The following TDRD6 variants were observed in gnomAD, a reference collection of about 807,000 sequenced individuals.
TDRD6 encodes the protein tudor domain-containing protein 6.
A neutral mutation model predicts 157.5 loss-of-function variants in TDRD6; 186 were observed. The ratio of observed to expected loss-of-function variants is 1.18; its 90% confidence interval spans 1.05 to 1.33. The LOEUF is 1.33. TDRD6 is among the 40% of genes most tolerant of loss of function. TDRD6 has a pLI of 0.00. For missense variants in TDRD6, 3,066 were observed against 2,508.0 expected (o/e 1.22, Z -4.75); for synonymous variants, 1,075 against 945.2 (o/e 1.14, Z -2.52).
intron 3 of TDRD6, among the ~76,000 whole-genome samples, chr6:46,699,439 G>A (rs1764572182): frequency 6.6e-6 from 1 of 152,084 alleles, no homozygotes; most frequent in African/African-American, 2.4e-5. Context: ...AGTAACTGGG[G>A]TTAGCCACCC....
chr6:46,683,544 C>G (rs1764012759), upstream of TDRD6, among the ~76,000 whole-genome samples: 1 of 151,978 alleles, frequency 6.6e-6, no homozygotes. Context: ...GGGAATAAAA[C>G]TGTAAACATT....
rs1562055718 is a variant in TDRD6, at chr6:46,691,462, G to A, written c.3334G>A (p.Val1112Met). The change falls in exon 1 of 4, where the codon GTG becomes ATG. Residue 1112 changes from valine (V) to methionine (M), a missense_variant. Val to Met is a conservative substitution (Grantham distance 21). Coordinates refer to ENST00000316081, the MANE Select transcript of TDRD6 (RefSeq NM_001010870.3). ...DIPDHIPEEV[V>M]VWFQETILDK... ...TCCTGATCATATACCAGAAGAAGTG[G>A]TGGTGTGGTTTCAGGAGACTATTTT... is the stretch of plus-strand genomic sequence containing the variant. The A allele has an allele frequency of 6.2e-7, 1 of 1,614,086 alleles. No homozygotes were observed. The highest frequency in any genetic ancestry group is 8.5e-7 in the Non-Finnish European group (1 of 1,179,964).
upstream of TDRD6, among the ~76,000 whole-genome samples, chr6:46,683,113 C>A (rs950518770): frequency 6.6e-6 from 1 of 151,870 alleles, no homozygotes; most frequent in Admixed American, 6.6e-5. Context: ...GGCACAAAGA[C>A]AGATATATAG....
At chr6:46,697,229 C>T (rs1764523896) in intron 2 of TDRD6, among the ~76,000 whole-genome samples, 1 of 151,986 alleles carries the variant, frequency 6.6e-6, no homozygotes, top group South Asian at 2.1e-4. Context: ...ACCTATATTC[C>T]ATCCTGTTAC....
At chr6:46,682,436 T>C in the TDRD6 span, among the ~76,000 whole-genome samples, 1 of 152,000 alleles carries the variant, frequency 6.6e-6, no homozygotes, top group Non-Finnish European at 1.5e-5. Flanking sequence ...AACAAGGCAA[T>C]ATCAATTCTT....
upstream of TDRD6, among the ~76,000 whole-genome samples, chr6:46,687,422 A>G (rs988849528): frequency 6.6e-6 from 1 of 152,210 alleles, no homozygotes; most frequent in Non-Finnish European, 1.5e-5. Context: ...AGATGATGGA[A>G]CAGGGTTAAA....
Position 46,688,088 on chromosome 6 carries a change from C to A in TDRD6, c.-41C>A. The A allele has an allele frequency of 1.4e-6, 2 of 1,441,438 alleles. No individual in the cohort carries two copies. The highest frequency in any genetic ancestry group is 1.8e-6 in the Non-Finnish European group (2 of 1,107,128). 89.3% of individuals were successfully genotyped at this position (1,441,438 alleles called of 1,614,324 possible). ...AGGATTTCGAGGCCCTGAGGCGCGGCCCTTAATTTCCGGAAGTGGGGGCCG... is the reference window on the plus strand; with the variant it reads ...AGGATTTCGAGGCCCTGAGGCGCGGACCTTAATTTCCGGAAGTGGGGGCCG... On this transcript the variant is annotated 5_prime_UTR_variant, in exon 1 of 4. Transcript: ENST00000316081.
Position 46,688,535 on chromosome 6 carries a change from C to T in TDRD6, c.407C>T (p.Pro136Leu), listed in dbSNP as rs1454099796. ...VLGCVLAGLVPAGCGAGSGEP... is the reference protein window; with the variant it reads ...VLGCVLAGLVLAGCGAGSGEP... The stretch of plus-strand genomic sequence containing the variant: ...GGCTGCGTGCTAGCGGGCCTGGTGC[C>T]GGCAGGCTGCGGCGCGGGCTCAGGC... The change falls in exon 1 of 4, where the codon CCG becomes CTG. Residue 136 changes from proline to leucine, a missense_variant. Coordinates refer to ENST00000316081, the MANE Select transcript of TDRD6 (RefSeq NM_001010870.3). The T allele has an allele frequency of 1.3e-6, 2 of 1,571,420 alleles. No individual in the cohort carries two copies. The highest frequency in any genetic ancestry group is 1.7e-6 in the Non-Finnish European group (2 of 1,163,782).
rs1472813589 is a variant in TDRD6 at position 46,689,589 on chromosome 6, C to G, written c.1461C>G (p.Ala487=). The part of the protein sequence containing the change: ...ALRSIRLKMN[A]FYDAQVEFVK... ...GATCTATCAGGTTAAAGATGAATGC[C>G]TTCTACGATGCGCAGGTAGAGTTTG... is the stretch of plus-strand genomic sequence containing the variant. The change falls in exon 1 of 4, where the codon GCC becomes GCG. Residue 487 remains alanine (A), a synonymous_variant. Transcript: ENST00000316081. 1 of 1,614,180 alleles carries G rather than the reference C, an allele frequency of 6.2e-7. No individual in the cohort carries two copies. The highest frequency in any genetic ancestry group is 1.7e-5 in the Admixed American group (1 of 60,028).
chr6:46,689,433 T>TG lies in TDRD6; in HGVS notation c.1307dup (p.Val437SerfsTer8). The stretch of plus-strand genomic sequence containing the variant: ...ATGGGATTAATCTGAACCGTGTGTT[T>TG]GGAGTACAGTCGTGTTGCTTGGCTG... On this transcript the variant is annotated frameshift_variant, in exon 1 of 4. Coordinates refer to ENST00000316081, the MANE Select transcript of TDRD6 (RefSeq NM_001010870.3). LOFTEE classifies it high-confidence loss of function. 6.2e-7 allele frequency: 1 copy of TG among 1,613,460 alleles called. No homozygotes were observed. Among genetic ancestry groups the TG allele is most frequent in the South Asian group, 1.1e-5 (1 of 91,078 alleles).
At chr6:46,698,121 C>T in intron 3 of TDRD6, 34 bp downstream of exon 3, 1 of 1,409,200 alleles carries the variant, frequency 7.1e-7, no homozygotes, top group Non-Finnish European at 9.9e-7. Flanking sequence ...TTAGTGAGAG[C>T]ATTGTTCTTC....
In TDRD6 at chr6:46,692,582, T is replaced by C. The variant is rs1190034735; in HGVS notation, c.4454T>C (p.Val1485Ala). Residue 1485 changes from valine to alanine, a missense_variant, in exon 1 of 4, where the codon GTA (valine) becomes GCA (alanine). By Grantham distance (64) the Val-to-Ala change is moderately conservative. Coordinates refer to ENST00000316081, the MANE Select transcript of TDRD6 (RefSeq NM_001010870.3). The part of the protein sequence containing the change: ...SRYALSEKSQ[V>A]ELSTQVIKSA... ...TATGCTCTCAGTGAAAAATCTCAAG[T>C]AGAACTTTCTACCCAAGTAATTAAA... is the stretch of plus-strand genomic sequence containing the variant. 4 of 1,613,654 alleles carry C rather than the reference T, an allele frequency of 2.5e-6. No individual in the cohort carries two copies. The Admixed American group carries it at 5.0e-5, about 20-fold the overall frequency.
upstream of TDRD6, among the ~76,000 whole-genome samples, chr6:46,687,156 T>G (rs1764117291): frequency 1.3e-5 from 2 of 152,162 alleles, no homozygotes; most frequent in African/African-American, 4.8e-5. Context: ...CCTCAAAGGG[T>G]TATCCTGTTA....
rs747012304 is a variant in TDRD6 at position 46,690,231 on chromosome 6, C to G, written c.2103C>G (p.Ala701=). 12 of 1,613,636 alleles carry G rather than the reference C, an allele frequency of 7.4e-6. No homozygotes were observed. The East Asian group carries it at 2.2e-4, about 30-fold the overall frequency. ...FTTESNKIPF[A]KTGEGEQKAK... is the part of the protein sequence containing the mutation. ...CGGAGAGTAACAAAATACCTTTTGC[C>G]AAGACTGGAGAAGGAGAGCAGAAAG... is the stretch of plus-strand genomic sequence containing the variant. The change falls in exon 1 of 4, where the codon GCC becomes GCG. Residue 701 remains alanine, a synonymous_variant. Transcript: ENST00000316081.
upstream of TDRD6, among the ~76,000 whole-genome samples, chr6:46,687,425 G>A (rs958037527): frequency 6.6e-6 from 1 of 152,200 alleles, no homozygotes. Flanking sequence ...TGATGGAACA[G>A]GGTTAAAGAA....
At position 46,693,353 on chromosome 6, in the gene TDRD6, A is replaced by G. The variant is rs747846354; in HGVS notation, c.5225A>G (p.Tyr1742Cys). The part of the protein sequence containing the change: ...LSNKAVQNKI[Y>C]MEQQTDELAE... Reference sequence around the variant, plus strand: ...AATAAAGCTGTACAAAATAAAATATATATGGAACAACAGACAGATGAGCTT... The same window carrying G: ...AATAAAGCTGTACAAAATAAAATATGTATGGAACAACAGACAGATGAGCTT... Residue 1742 changes from tyrosine to cysteine, a missense_variant, in exon 1 of 4, where the codon TAT becomes TGT. Physicochemically the swap from Tyr to Cys is radical, Grantham distance 194. Transcript: ENST00000316081. 3.7e-6 allele frequency: 6 copies of G among 1,606,982 alleles called. No homozygotes were observed. The Admixed American group carries it at 5.2e-5, about 14-fold the overall frequency.
rs1280635135 is a variant in TDRD6 at position 46,688,932 on chromosome 6, G to T, written c.804G>T (p.Gln268His). The T allele has an allele frequency of 3.7e-6, 6 of 1,610,814 alleles. No homozygotes were observed. The highest frequency in any genetic ancestry group is 5.1e-6 in the Non-Finnish European group (6 of 1,178,110). Residue 268 changes from glutamine (Q) to histidine (H), a missense_variant, in exon 1 of 4, where the codon CAG becomes CAT. Coordinates refer to ENST00000316081, the MANE Select transcript of TDRD6 (RefSeq NM_001010870.3). ...QVCHPHRIHC[Q>H]LRSVSQEIHR... ...GCCATCCCCACCGCATTCACTGCCAGCTCCGCAGCGTCTCGCAGGAGATCC... is the reference window on the plus strand; with the variant it reads ...GCCATCCCCACCGCATTCACTGCCATCTCCGCAGCGTCTCGCAGGAGATCC...
chr6:46,694,941 A>G (rs562227378), intron 1 of TDRD6, among the ~76,000 whole-genome samples: 1 of 152,208 alleles, frequency 6.6e-6, no homozygotes, highest in Non-Finnish European at 1.5e-5. Context: ...AAAGAAAAAA[A>G]ATAGATTTAG....
At position 46,688,565 on chromosome 6, in the gene TDRD6, C is replaced by G. The variant is rs534072901; in HGVS notation, c.437C>G (p.Pro146Arg). 3 of 1,588,684 alleles carry G rather than the reference C, an allele frequency of 1.9e-6. No homozygotes were observed. The highest frequency in any genetic ancestry group is 2.2e-5 in the East Asian group (1 of 44,462). The stretch of plus-strand genomic sequence containing the variant: ...GGCTGCGGCGCGGGCTCAGGCGAGC[C>G]GCCGCAGCACTGGCCCGCCGACGCC... ...PAGCGAGSGE[P>R]PQHWPADAVD... Residue 146 changes from proline (P) to arginine (R), a missense_variant, in exon 1 of 4, where the codon CCG (proline) becomes CGG (arginine). Transcript: ENST00000316081.
Sources: gnomAD v4.1 joint callset for allele counts (sites outside exome capture counted in the v4.1 genomes callset) on GRCh38, gnomAD v4.1.1 for gene constraint, MANE v1.5 for transcripts, NCBI Gene and HGNC (gene_info 2026-07-23, HGNC 2026-07-21) for gene names.